The following DMD variants were observed in gnomAD, a reference collection of about 807,000 sequenced individuals.
DMD encodes dystrophin, also known as mutant dystrophin.
A neutral mutation model predicts 330.1 loss-of-function variants in DMD; 63 were observed. That is an observed-to-expected ratio of 0.19 (90% CI 0.16 to 0.24). DMD has a LOEUF of 0.24. Ranked by LOEUF, DMD falls within the 10% of genes least tolerant of loss-of-function variation. DMD has a pLI of 1.00. For missense variants in DMD, 3,344 were observed against 2,684.1 expected (o/e 1.25, Z -5.43); for synonymous variants, 1,223 against 959.8 (o/e 1.27, Z -5.07).
intron 45 of DMD, among the ~76,000 whole-genome samples, chrX:31,959,338 G>A (rs184929205): frequency 1.5e-3 from 169 of 111,767 alleles, no homozygotes; most frequent in Non-Finnish European, 2.6e-3. Context: ...TTGTCATGGC[G>A]TCATTTTTCA....
intron 1 of DMD, among the ~76,000 whole-genome samples, chrX:33,170,685 G>A (rs1447451220): frequency 2.7e-5 from 3 of 111,878 alleles, no homozygotes; most frequent in Non-Finnish European, 5.7e-5. Flanking sequence ...AAAGTCCAGT[G>A]TGTATTTTAC....
At chrX:32,356,164 T>G (rs1036293545) in intron 37 of DMD, among the ~76,000 whole-genome samples, 68 of 109,603 alleles carry the variant, frequency 6.2e-4, no homozygotes, top group African/African-American at 2.0e-3. Context: ...CCCACCGAAG[T>G]TTAGGAGAGC....
chrX:32,560,893 T>C (rs2050924622), intron 16 of DMD, among the ~76,000 whole-genome samples: 1 of 112,068 alleles, frequency 8.9e-6, no homozygotes, highest in South Asian at 3.7e-4. Context: ...AGTGCTGCAA[T>C]TAACATACAA....
chrX:31,805,434 C>T (rs1004053316), intron 50 of DMD, among the ~76,000 whole-genome samples: 2 of 111,346 alleles, frequency 1.8e-5, no homozygotes, highest in African/African-American at 6.5e-5. Context: ...CCCATAATAT[C>T]GAAATTATTA....
At chrX:32,330,144 G>T (rs955209124) in intron 41 of DMD, among the ~76,000 whole-genome samples, 1 of 112,046 alleles carries the variant, frequency 8.9e-6, no homozygotes, top group African/African-American at 3.2e-5. Context: ...GGGTAAAAAT[G>T]ATAGAATGTT....
At chrX:32,504,586 C>A (rs2148710737) in intron 18 of DMD, among the ~76,000 whole-genome samples, 1 of 111,390 alleles carries the variant, frequency 9.0e-6, no homozygotes, top group South Asian at 3.8e-4. Flanking sequence ...GAGATCACAC[C>A]ATTGCACTCC....
chrX:32,628,242 G>T (rs977756511), intron 11 of DMD, among the ~76,000 whole-genome samples: 1 of 66,507 alleles, frequency 1.5e-5, no homozygotes, highest in African/African-American at 6.4e-5. Context: ...CTATCTCCAT[G>T]AGTTCAGTTG....
chrX:32,274,487 G>A lies in DMD; in HGVS notation c.6290+13042C>T, dbSNP rs1202296388. The stretch of plus-strand genomic sequence containing the variant: ...TAAGGCAAATGATCCTGGATGAAGC[G>A]GTGATCATAAAAAGCAAATCACTCT... On this transcript the variant is annotated intron_variant, in intron 43 of 78. Transcript: ENST00000357033. Among the ~76,000 whole-genome samples, 7 of 111,905 alleles carry A rather than the reference G, an allele frequency of 6.3e-5. No individual in the cohort carries two copies. In the South Asian group the frequency reaches 1.5e-3, roughly 24 times the overall value.
chrX:31,181,536 C>T (rs1013018806), intron 68 of DMD, among the ~76,000 whole-genome samples: 1 of 110,308 alleles, frequency 9.1e-6, no homozygotes, highest in Non-Finnish European at 1.9e-5. Context: ...CTTCCCTTCC[C>T]CACTCCCCAC....
At chrX:32,903,636 T>G (rs958295075) in intron 2 of DMD, among the ~76,000 whole-genome samples, 8 of 111,541 alleles carry the variant, frequency 7.2e-5, no homozygotes, top group Non-Finnish European at 1.3e-4. Context: ...AACGGCTGTG[T>G]TAATGGATTT....
chrX:32,331,005 C>T (rs952052086), intron 41 of DMD, among the ~76,000 whole-genome samples: 9 of 111,714 alleles, frequency 8.1e-5, no homozygotes, highest in Admixed American at 1.9e-4. Flanking sequence ...ATAAGTAAAA[C>T]TACATCTTGA....
intron 43 of DMD, among the ~76,000 whole-genome samples, chrX:32,218,328 A>G (rs2097120830): frequency 9.0e-6 from 1 of 111,528 alleles, no homozygotes; most frequent in African/African-American, 3.3e-5. Flanking sequence ...GTAAAGTAAG[A>G]TTTGAAATCT....
chrX:32,548,197 G>A (rs2049166309), intron 16 of DMD, among the ~76,000 whole-genome samples: 1 of 111,281 alleles, frequency 9.0e-6, no homozygotes, highest in Admixed American at 9.6e-5. Flanking sequence ...TCAGAAATGA[G>A]TAAAATAGAA....
chrX:32,609,599 C>A (rs1456634271), intron 12 of DMD, among the ~76,000 whole-genome samples: 1 of 111,053 alleles, frequency 9.0e-6, no homozygotes. Context: ...ATACCTAATC[C>A]TTCTCTGTAA....
At chrX:33,244,878 C>G (rs1333563893) in intron 1 of DMD, among the ~76,000 whole-genome samples, 2 of 111,154 alleles carry the variant, frequency 1.8e-5, no homozygotes, top group African/African-American at 6.5e-5. Flanking sequence ...ATTGACAAGC[C>G]CTAGTGTCTT....
chrX:32,283,844 G>A (rs185624698), intron 43 of DMD, among the ~76,000 whole-genome samples: 4 of 111,343 alleles, frequency 3.6e-5, no homozygotes, highest in African/African-American at 6.5e-5. Context: ...CAAAAATATC[G>A]ACTAACTGCC....
At chrX:32,575,421 T>A (rs963375078) in intron 13 of DMD, among the ~76,000 whole-genome samples, 9 of 112,387 alleles carry the variant, frequency 8.0e-5, no homozygotes, top group Non-Finnish European at 1.7e-4. Context: ...TAACTGTTAA[T>A]TTTTTGTAGT....
chrX:32,347,108 G>A (rs2097766456), intron 38 of DMD, among the ~76,000 whole-genome samples: 1 of 111,527 alleles, frequency 9.0e-6, no homozygotes, highest in Admixed American at 9.6e-5. Context: ...ATTTTGTATG[G>A]GGGAAAGGGA....
At chrX:31,737,213 T>A (rs2086939768) in intron 51 of DMD, among the ~76,000 whole-genome samples, 1 of 111,969 alleles carries the variant, frequency 8.9e-6, no homozygotes, top group African/African-American at 3.2e-5. Flanking sequence ...TTAAGAACTA[T>A]AATATAGCAT....
Sources: allele counts gnomAD v4.1 joint callset (sites outside exome capture counted in the v4.1 genomes callset), GRCh38; gene constraint gnomAD v4.1.1; transcripts MANE v1.5; gene names NCBI Gene and HGNC (gene_info 2026-07-23, HGNC 2026-07-21).